The following RELCH variants were observed in gnomAD, a reference collection of about 807,000 sequenced individuals.
The protein encoded by RELCH is RAB11 binding and LisH domain, coiled-coil and HEAT repeat containing.
Under a neutral mutation model 150.3 loss-of-function variants are expected in RELCH, and 41 were observed. The observed-to-expected ratio is 0.27, with a 90% CI of 0.21 to 0.35. RELCH has a LOEUF of 0.35. RELCH is among the 10% of genes least tolerant of loss of function. The probability of loss-of-function intolerance (pLI) is 1.00; values close to 1 mark genes in which losing one functional copy is unlikely to be tolerated. For missense variants in RELCH, 1,092 were observed against 1,467.8 expected (o/e 0.74, Z 4.18); for synonymous variants, 478 against 531.8 (o/e 0.90, Z 1.39).
At chr18:62,237,725 G>A (rs747317970) in intron 10 of RELCH, among the ~76,000 whole-genome samples, 2 of 151,230 alleles carry the variant, frequency 1.3e-5, no homozygotes, top group Non-Finnish European at 3.0e-5. Flanking sequence ...TAAATATTTT[G>A]GAAAAATAAA....
In RELCH at chr18:62,305,364, A is replaced by T. The variant is rs200611496; in HGVS notation, c.3531-50A>T. On this transcript the variant is annotated intron_variant, in intron 28 of 28. Transcript: ENST00000644646. This position sits in a 1 kb window ranked among gnomAD's most constrained non-coding sequence, Gnocchi z 4.0. ...TGATATGCTACTAAATAAATGAAAAATTTTTATTTTTTTAATTGCTTTACA... is the reference window on the plus strand; with the variant it reads ...TGATATGCTACTAAATAAATGAAAATTTTTTATTTTTTTAATTGCTTTACA... 626 of 1,533,234 alleles carry T rather than the reference A, an allele frequency of 4.1e-4. 3 individuals are homozygous for T. The East Asian group carries it at 4.4e-3, about 11-fold the overall frequency. 95.0% of individuals were successfully genotyped at this position (1,533,234 alleles called of 1,614,324 possible).
At chr18:62,291,834 G>T (rs929106207) in intron 27 of RELCH, among the ~76,000 whole-genome samples, 2 of 151,736 alleles carry the variant, frequency 1.3e-5, no homozygotes, top group East Asian at 1.9e-4. Flanking sequence ...TCTACAGTAG[G>T]GATAATACAC....
Position 62,264,835 on chromosome 18 carries a change from A to G in RELCH, c.2614A>G (p.Ile872Val). The G allele has an allele frequency of 6.2e-7, 1 of 1,607,788 alleles. No homozygotes were observed. Among genetic ancestry groups the G allele is most frequent in the Non-Finnish European group, 8.5e-7 (1 of 1,177,462 alleles). Residue 872 changes from isoleucine to valine, a missense_variant, in exon 18 of 29, where the codon ATT (isoleucine) becomes GTT (valine). This residue lies in a region of RELCH where 707 missense variants were observed against 1,025.4 expected (regional missense o/e 0.69). Transcript: ENST00000644646. ...FWRLCRTFGKIFTNTKVKPQF... is the reference protein window; with the variant it reads ...FWRLCRTFGKVFTNTKVKPQF... ...GCGCCTTTGCCGGACATTTGGCAAA[A>G]TTTTTACAAACACTAAGGTAAAAAC...
intron 2 of RELCH, among the ~76,000 whole-genome samples, chr18:62,216,435 T>G (rs2040481869): frequency 6.6e-6 from 1 of 152,122 alleles, no homozygotes; most frequent in East Asian, 1.9e-4. Flanking sequence ...TATTACTGAA[T>G]TACTTCTCTA....
intron 18 of RELCH, among the ~76,000 whole-genome samples, chr18:62,265,795 T>TA (rs2043527132): frequency 6.6e-6 from 1 of 152,000 alleles, no homozygotes; most frequent in African/African-American, 2.4e-5. Context: ...TTAATTCTCT[T>TA]AGCGCAATTC....
At chr18:62,252,576 G>A in intron 11 of RELCH, 88 bp from the exon 12 acceptor site, 1 of 891,302 alleles carries the variant, frequency 1.1e-6, no homozygotes, top group South Asian at 1.4e-5. Context: ...TACTCTATGT[G>A]AATTTATAGA....
chr18:62,264,892 CAT>C (rs1314034276), intron 18 of RELCH, 40 bp downstream of exon 18: 3 of 1,512,504 alleles, frequency 2.0e-6, no homozygotes, highest in Non-Finnish European at 2.7e-6. Flanking sequence ...ATGAAAAAGA[CAT>C]AGAAATGTAA....
chr18:62,245,530 G>A (rs1293521117), intron 11 of RELCH, among the ~76,000 whole-genome samples: 4 of 152,132 alleles, frequency 2.6e-5, no homozygotes, highest in Non-Finnish European at 5.9e-5. Context: ...GGAGGCTGAG[G>A]CAGGAGAATC....
chr18:62,275,335 G>A lies in RELCH; in HGVS notation c.2868-39G>A, dbSNP rs373506960. On this transcript the variant is annotated intron_variant, in intron 21 of 28. Coordinates refer to ENST00000644646, the MANE Select transcript of RELCH (RefSeq NM_001346231.2). ...TTCAGTTCACTAGTAAGGGACTGTGGCTCTCAATTTTAACACTGTTTTTTT... is the reference window on the plus strand; with the variant it reads ...TTCAGTTCACTAGTAAGGGACTGTGACTCTCAATTTTAACACTGTTTTTTT... The A allele has an allele frequency of 1.8e-5, 19 of 1,077,606 alleles. No homozygotes were observed. The African/African-American group carries it at 2.9e-4, about 17-fold the overall frequency. 66.8% of individuals were successfully genotyped at this position (1,077,606 alleles called of 1,614,324 possible).
chr18:62,301,740 C>T (rs1180950488), intron 28 of RELCH, among the ~76,000 whole-genome samples: 2 of 152,088 alleles, frequency 1.3e-5, no homozygotes, highest in African/African-American at 4.8e-5. Flanking sequence ...GAACCAGACT[C>T]TAGTGAATAG....
chr18:62,269,704 T>A (rs543123023), intron 20 of RELCH, among the ~76,000 whole-genome samples: 2 of 152,170 alleles, frequency 1.3e-5, no homozygotes, highest in East Asian at 1.9e-4. Context: ...CTTTTTCACA[T>A]GTAAGTACTT....
At position 62,228,359 on chromosome 18, in the gene RELCH, T is replaced by C. The variant is rs764033155; in HGVS notation, c.1209T>C (p.Ser403=). 6.2e-7 allele frequency: 1 copy of C among 1,613,270 alleles called. No individual in the cohort carries two copies. Among genetic ancestry groups the C allele is most frequent in the South Asian group, 1.1e-5 (1 of 91,042 alleles). The part of the protein sequence containing the change: ...EHFAIPAVCD[S]VQPPLDQLPH... ...TTGCCATCCCAGCAGTTTGTGACTC[T>C]GTTCAGCCTCCTTTGGATCAGTTGC... The change falls in exon 8 of 29, where the codon TCT becomes TCC. Residue 403 remains serine (S), a synonymous_variant. Transcript: ENST00000644646.
At chr18:62,232,978 C>T (rs895831099) in intron 10 of RELCH, among the ~76,000 whole-genome samples, 17 of 151,934 alleles carry the variant, frequency 1.1e-4, no homozygotes, top group Non-Finnish European at 1.9e-4. Context: ...TTTTAAAGTA[C>T]CTTTTTTATT....
intron 26 of RELCH, 87 bp downstream of exon 26, chr18:62,287,554 T>G (rs892144094): frequency 1.3e-6 from 1 of 755,548 alleles, no homozygotes; most frequent in Non-Finnish European, 2.3e-6. Context: ...AAGTAGAACT[T>G]CTTTTCTTCA....
intron 1 of RELCH, 99 bp downstream of exon 1, chr18:62,188,130 A>T: frequency 7.5e-7 from 1 of 1,338,298 alleles, no homozygotes; most frequent in South Asian, 1.6e-5. Flanking sequence ...CCCGATAGGG[A>T]CATTTTAAGG....
chr18:62,238,472 T>G (rs2041983660), intron 10 of RELCH, among the ~76,000 whole-genome samples: 1 of 152,090 alleles, frequency 6.6e-6, no homozygotes, highest in Non-Finnish European at 1.5e-5. Context: ...TCACAATTTC[T>G]GCTTTGACCG....
At chr18:62,298,095 C>CCCA (rs1277405828) in intron 27 of RELCH, among the ~76,000 whole-genome samples, 3 of 146,380 alleles carry the variant, frequency 2.0e-5, no homozygotes, top group East Asian at 2.1e-4. Flanking sequence ...TTGCTTTATC[C>CCCA]CCCCCCGTCT....
rs139126162 is a variant in RELCH, at chr18:62,193,972, G to A, written c.526+5941G>A. 3.8e-3 allele frequency among the ~76,000 whole-genome samples: 574 copies of A among 152,002 alleles called. 3 individuals carry two copies. The highest frequency in any genetic ancestry group is 0.012 in the African/African-American group (518 of 41,448). On this transcript the variant is annotated intron_variant, in intron 1 of 28. Coordinates refer to ENST00000644646, the MANE Select transcript of RELCH (RefSeq NM_001346231.2). ...CTTAATGATGTGTCTCAGACCAGGCGTAGTGGCTCACACCTGTAATCCCAG... is the reference window on the plus strand; with the variant it reads ...CTTAATGATGTGTCTCAGACCAGGCATAGTGGCTCACACCTGTAATCCCAG...
intron 5 of RELCH, among the ~76,000 whole-genome samples, chr18:62,225,643 A>G (rs2041167479): frequency 6.6e-6 from 1 of 151,984 alleles, no homozygotes; most frequent in South Asian, 2.1e-4. Context: ...AGATACCACA[A>G]CACGTTAATT....
Sources: allele counts gnomAD v4.1 joint callset (sites outside exome capture counted in the v4.1 genomes callset), GRCh38; gene constraint gnomAD v4.1.1; regional missense constraint gnomAD v4.1.1; non-coding constraint Gnocchi (gnomAD v3.1); transcripts MANE v1.5; gene names NCBI Gene and HGNC (gene_info 2026-07-23, HGNC 2026-07-21).